The following PLXDC2 variants were observed in gnomAD, a reference collection of about 807,000 sequenced individuals.
PLXDC2 encodes plexin domain containing 2.
In PLXDC2, 40 loss-of-function variants were observed where a neutral mutation model predicts 68.9. The ratio of observed to expected loss-of-function variants is 0.58; its 90% CI spans 0.45 to 0.76. PLXDC2 has a LOEUF of 0.76. Ranked by LOEUF, PLXDC2 falls within the 30% of genes least tolerant of loss-of-function variation. The pLI, the probability that PLXDC2 is intolerant of heterozygous loss-of-function variation, is 0.00. For missense variants in PLXDC2, 644 were observed against 661.9 expected, an observed-to-expected ratio of 0.97 and a Z score of 0.30; for synonymous variants, 243 against 234.2, an observed-to-expected ratio of 1.04 and a Z score of -0.34.
At chr10:20,041,415 A>G (rs530055579) in intron 2 of PLXDC2, among the ~76,000 whole-genome samples, 39 of 152,274 alleles carry the variant, frequency 2.6e-4, no homozygotes, top group Middle Eastern at 3.4e-3. Context: ...TTTCCTCCAT[A>G]TAGATAACTC....
chr10:19,985,952 G>T lies in PLXDC2; in HGVS notation c.113-15823G>T, dbSNP rs148763788. 3.7e-4 allele frequency among the ~76,000 whole-genome samples: 56 copies of T among 152,216 alleles called. No homozygotes were observed. The East Asian group carries it at 0.011, about 29-fold the overall frequency. On this transcript the variant is annotated intron_variant, in intron 1 of 13. Coordinates refer to ENST00000377252, the MANE Select transcript of PLXDC2 (RefSeq NM_032812.9). ...CTTTGCCTATGCTTCCTCCACTCCAGTCACACTGGTCCTCCTTCCAGTCCT... is the reference window on the plus strand; with the variant it reads ...CTTTGCCTATGCTTCCTCCACTCCATTCACACTGGTCCTCCTTCCAGTCCT...
At chr10:19,981,746 G>A (rs999668379) in intron 1 of PLXDC2, among the ~76,000 whole-genome samples, 4 of 152,110 alleles carry the variant, frequency 2.6e-5, no homozygotes, top group South Asian at 2.1e-4. Context: ...AAATCTTATC[G>A]ATCAATATAA....
At chr10:19,960,603 C>T (rs1267438167) in intron 1 of PLXDC2, among the ~76,000 whole-genome samples, 1 of 152,112 alleles carries the variant, frequency 6.6e-6, no homozygotes, top group African/African-American at 2.4e-5. Context: ...TCTCCAGATA[C>T]TCTAAAGTTG....
rs541297294 is a variant in PLXDC2, at chr10:19,901,510, T to A, written c.112+84319T>A. 2.6e-5 allele frequency among the ~76,000 whole-genome samples: 4 copies of A among 152,336 alleles called. No individual in the cohort carries two copies. In the South Asian group the frequency reaches 8.3e-4, roughly 32 times the overall value. On this transcript the variant is annotated intron_variant, in intron 1 of 13. Transcript: ENST00000377252. ...TTGTCTATTCGTGTCCTTAGCCTACTTTTTGATGGGATCATTTGTTTTTTT... is the reference window on the plus strand; with the variant it reads ...TTGTCTATTCGTGTCCTTAGCCTACATTTTGATGGGATCATTTGTTTTTTT...
chr10:19,875,465 T>A (rs1043426514), intron 1 of PLXDC2, among the ~76,000 whole-genome samples: 3 of 152,230 alleles, frequency 2.0e-5, no homozygotes, highest in Admixed American at 6.5e-5. Context: ...AATTTTTGAA[T>A]AACCTAGTTA....
chr10:20,284,312 C>CATATATATATATATATATATATATATAT lies in PLXDC2; in HGVS notation c.*4512_*4513insTATATATATATATATATATATATATATA, dbSNP rs747835988. 3.7e-4 allele frequency: 46 copies of CATATATATATATATATATATATATATAT among 125,268 alleles called. No homozygotes were observed. The highest frequency in any genetic ancestry group is 1.2e-3 in the African/African-American group (39 of 31,452). The allele number at this position is 125,268 out of a possible 1,614,324, so 7.8% of individuals were successfully genotyped here. A position where few individuals can be genotyped will look rare whatever the true frequency, so the allele number is the denominator to read the frequency against. ...GTGAGACCCATCTCTATCAAATATA[C>CATATATATATATATATATATATATATAT]ATATATATATATATATATACACACA... On this transcript the variant is annotated 3_prime_UTR_variant, in exon 14 of 14. Coordinates refer to ENST00000377252, the MANE Select transcript of PLXDC2 (RefSeq NM_032812.9).
At chr10:19,999,732 C>G (rs1834901884) in intron 1 of PLXDC2, among the ~76,000 whole-genome samples, 1 of 152,056 alleles carries the variant, frequency 6.6e-6, no homozygotes, top group African/African-American at 2.4e-5. Context: ...AGTTTTATTG[C>G]TGGGTTATAA....
intron 1 of PLXDC2, among the ~76,000 whole-genome samples, chr10:19,979,955 C>T (rs1290803841): frequency 1.3e-5 from 2 of 152,156 alleles, no homozygotes; most frequent in Non-Finnish European, 2.9e-5. Flanking sequence ...AAAAGGTCTC[C>T]TTAAAAAACA....
chr10:20,209,519 A>G (rs1835039239), intron 9 of PLXDC2, among the ~76,000 whole-genome samples: 1 of 91,926 alleles, frequency 1.1e-5, no homozygotes, highest in African/African-American at 4.5e-5. Flanking sequence ...TAAAACTTAA[A>G]GTATAATAAT....
chr10:20,056,656 A>G (rs1836004959), intron 3 of PLXDC2, among the ~76,000 whole-genome samples: 1 of 152,184 alleles, frequency 6.6e-6, no homozygotes, highest in Admixed American at 6.5e-5. Context: ...TTTTGCATAT[A>G]ACAAACCTTA....
At chr10:20,032,747 A>G (rs563099715) in intron 2 of PLXDC2, among the ~76,000 whole-genome samples, 9 of 152,012 alleles carry the variant, frequency 5.9e-5, no homozygotes, top group African/African-American at 2.2e-4. Flanking sequence ...GCTACTCCAT[A>G]TGTCTCAGCT....
chr10:19,907,952 TAC>T (rs1198402565), intron 1 of PLXDC2, among the ~76,000 whole-genome samples: 1 of 152,192 alleles, frequency 6.6e-6, no homozygotes, highest in South Asian at 2.1e-4. Context: ...GGGCACCAGC[TAC>T]TGAATCTCAT....
chr10:20,023,506 AG>A (rs1356777828), intron 2 of PLXDC2, among the ~76,000 whole-genome samples: 1 of 152,114 alleles, frequency 6.6e-6, no homozygotes, highest in Non-Finnish European at 1.5e-5. Context: ...TTATTGATGG[AG>A]GGGTTTCTGA....
In PLXDC2 at chr10:19,914,935, T is replaced by G. The variant is rs140300086; in HGVS notation, c.113-86840T>G. The stretch of plus-strand genomic sequence containing the variant: ...TTAATGTAGCCACTCTAGCTACTAA[T>G]GTAGCCTCTCTAGATTTCTTTTGAT... On this transcript the variant is annotated intron_variant, in intron 1 of 13. Coordinates refer to ENST00000377252, the MANE Select transcript of PLXDC2 (RefSeq NM_032812.9). Among the ~76,000 whole-genome samples, 216 of 152,330 alleles carry G rather than the reference T, an allele frequency of 1.4e-3. 1 individual carries two copies. The highest frequency in any genetic ancestry group is 5.0e-3 in the African/African-American group (210 of 41,594).
intron 4 of PLXDC2, among the ~76,000 whole-genome samples, chr10:20,125,807 T>G (rs1008531178): frequency 2.6e-5 from 4 of 152,100 alleles, no homozygotes; most frequent in Non-Finnish European, 4.4e-5. Context: ...AGCCTCATTT[T>G]ATAGAGGAGA....
intron 1 of PLXDC2, among the ~76,000 whole-genome samples, chr10:19,818,241 TGTGTGTGTG>T (rs1836394419): frequency 6.7e-6 from 1 of 148,438 alleles, no homozygotes; most frequent in Admixed American, 7.0e-5. Flanking sequence ...TGTGTGTGTG[TGTGTGTGTG>T]TGTGTGTGTG....
chr10:20,258,338 C>T (rs1835769198), intron 13 of PLXDC2, among the ~76,000 whole-genome samples: 2 of 152,032 alleles, frequency 1.3e-5, no homozygotes, highest in African/African-American at 2.4e-5. Flanking sequence ...TTCCTTTCGC[C>T]GAAGACTGAC....
intron 1 of PLXDC2, among the ~76,000 whole-genome samples, chr10:19,986,039 G>A (rs957162983): frequency 6.6e-6 from 1 of 152,188 alleles, no homozygotes; most frequent in Non-Finnish European, 1.5e-5. Context: ...AAACCACTGG[G>A]AAGCCTTTGG....
At chr10:19,855,863 A>C (rs1837201446) in intron 1 of PLXDC2, among the ~76,000 whole-genome samples, 1 of 152,220 alleles carries the variant, frequency 6.6e-6, no homozygotes, top group South Asian at 2.1e-4. Context: ...AGGCAGGCAG[A>C]TCATGAAGTC....
Sources: allele counts gnomAD v4.1 joint callset (sites outside exome capture counted in the v4.1 genomes callset), GRCh38; gene constraint gnomAD v4.1.1; transcripts MANE v1.5; gene names NCBI Gene and HGNC (gene_info 2026-07-23, HGNC 2026-07-21).